MAN2A1: variants seen among roughly 807,000 people sequenced by gnomAD.
MAN2A1 encodes alpha-mannosidase 2.
A neutral mutation model predicts 142.6 loss-of-function variants in MAN2A1; 76 were observed. That is an observed-to-expected ratio of 0.53 (90% CI 0.44 to 0.65). MAN2A1 has a LOEUF of 0.65. MAN2A1 is among the 30% of genes least tolerant of loss of function. MAN2A1 has a pLI of 0.00. For synonymous variants in MAN2A1, 559 were observed against 473.2 expected (o/e 1.18, Z -2.35); for missense variants, 1,311 against 1,365.1 (o/e 0.96, Z 0.62).
At chr5:109,829,530 G>C (rs926854630) in intron 16 of MAN2A1, among the ~76,000 whole-genome samples, 1 of 152,290 alleles carries the variant, frequency 6.6e-6, no homozygotes, top group African/African-American at 2.4e-5. Flanking sequence ...TTTACTCTTG[G>C]CCAGTCTTCT....
At chr5:109,822,955 G>T (rs901135206) in intron 15 of MAN2A1, among the ~76,000 whole-genome samples, 1 of 152,202 alleles carries the variant, frequency 6.6e-6, no homozygotes, top group Non-Finnish European at 1.5e-5. Context: ...AGGGTTACAA[G>T]GCGTGAGCCA....
chr5:109,730,335 A>G (rs1254034415), intron 4 of MAN2A1, among the ~76,000 whole-genome samples: 1 of 152,062 alleles, frequency 6.6e-6, no homozygotes, highest in Non-Finnish European at 1.5e-5. Flanking sequence ...ATTTATACAT[A>G]TACTCCTTAA....
chr5:109,787,960 TTGATCA>T (rs904789338), intron 10 of MAN2A1, among the ~76,000 whole-genome samples: 1 of 151,994 alleles, frequency 6.6e-6, no homozygotes, highest in Non-Finnish European at 1.5e-5. Context: ...ATTAATAACA[TTGATCA>T]TGATCACTTA....
intron 20 of MAN2A1, among the ~76,000 whole-genome samples, 182 bp downstream of exon 20, chr5:109,855,516 A>T (rs1010083969): frequency 6.6e-6 from 1 of 152,218 alleles, no homozygotes; most frequent in Admixed American, 6.5e-5. Flanking sequence ...ATTTTAGAGT[A>T]TATCCTGATA....
At chr5:109,838,044 A>G (rs548091887) in intron 16 of MAN2A1, among the ~76,000 whole-genome samples, 102 of 151,668 alleles carry the variant, frequency 6.7e-4, no homozygotes, top group Admixed American at 2.5e-3. Context: ...AGAAGCTAAC[A>G]TTCTGTAGGG....
intron 17 of MAN2A1, among the ~76,000 whole-genome samples, chr5:109,844,506 G>T (rs919610668): frequency 6.6e-6 from 1 of 151,492 alleles, no homozygotes; most frequent in Non-Finnish European, 1.5e-5. Flanking sequence ...ACATTTTACA[G>T]TTGTAGCTTT....
intron 4 of MAN2A1, among the ~76,000 whole-genome samples, chr5:109,738,706 A>T (rs960136710): frequency 6.6e-6 from 1 of 152,332 alleles, no homozygotes; most frequent in East Asian, 1.9e-4. Flanking sequence ...CAACATGCTT[A>T]GCACAATGCC....
intron 8 of MAN2A1, among the ~76,000 whole-genome samples, chr5:109,780,656 C>T (rs1341528587): frequency 6.6e-6 from 1 of 151,964 alleles, no homozygotes; most frequent in Non-Finnish European, 1.5e-5. Flanking sequence ...TATCTGTTTA[C>T]AAGATTTGGT....
intron 20 of MAN2A1, among the ~76,000 whole-genome samples, chr5:109,856,509 C>T (rs769409447): frequency 2.0e-5 from 3 of 152,138 alleles, no homozygotes; most frequent in Non-Finnish European, 2.9e-5. Context: ...AATTAGCAAG[C>T]CTTGTAAAGG....
intron 19 of MAN2A1, among the ~76,000 whole-genome samples, chr5:109,849,668 C>T (rs1755431497): frequency 6.6e-6 from 1 of 152,110 alleles, no homozygotes; most frequent in Admixed American, 6.5e-5. Flanking sequence ...TCTCTTTCTG[C>T]CGTATGTCTG....
chr5:109,834,103 C>T (rs574921741), intron 16 of MAN2A1, among the ~76,000 whole-genome samples: 1 of 152,122 alleles, frequency 6.6e-6, no homozygotes, highest in South Asian at 2.1e-4. Context: ...GAATCTTTTC[C>T]TGCCTAAAGG....
chr5:109,758,113 G>A (rs550094571), intron 5 of MAN2A1, among the ~76,000 whole-genome samples: 201 of 152,232 alleles, frequency 1.3e-3, no homozygotes, highest in African/African-American at 3.5e-3. Context: ...TTTTCCAAAA[G>A]AGCGGTATCG....
intron 12 of MAN2A1, among the ~76,000 whole-genome samples, chr5:109,813,762 A>G (rs777486881): frequency 1.3e-5 from 2 of 152,238 alleles, no homozygotes; most frequent in Non-Finnish European, 2.9e-5. Flanking sequence ...AATTACTTCT[A>G]TGAAAGGTGA....
chr5:109,824,354 A>T (rs994592415), intron 16 of MAN2A1, among the ~76,000 whole-genome samples: 1 of 152,194 alleles, frequency 6.6e-6, no homozygotes, highest in Non-Finnish European at 1.5e-5. Context: ...CAGCATCTTT[A>T]TGAACCCAAG....
chr5:109,801,162 G>T (rs1754019161), intron 12 of MAN2A1, among the ~76,000 whole-genome samples: 1 of 152,120 alleles, frequency 6.6e-6, no homozygotes, highest in South Asian at 2.1e-4. Flanking sequence ...GGTAGTTAGG[G>T]CTCATGATGG....
chr5:109,732,400 C>G (rs1471502382), intron 4 of MAN2A1, among the ~76,000 whole-genome samples: 1 of 152,158 alleles, frequency 6.6e-6, no homozygotes. Context: ...ACTTTTGTTT[C>G]CATTGCTTTT....
At chr5:109,756,276 A>G (rs1405438513) in intron 5 of MAN2A1, among the ~76,000 whole-genome samples, 7 of 152,314 alleles carry the variant, frequency 4.6e-5, no homozygotes, top group Admixed American at 4.6e-4. Context: ...ATAGAATCAG[A>G]TGTCCACTAT....
intron 1 of MAN2A1, among the ~76,000 whole-genome samples, chr5:109,712,178 G>A (rs545972662): frequency 6.6e-6 from 1 of 151,588 alleles, no homozygotes; most frequent in Non-Finnish European, 1.5e-5. Context: ...CAAATGATTG[G>A]CCTTTTCTTG....
At chr5:109,743,622 A>T (rs1458769386) in intron 4 of MAN2A1, among the ~76,000 whole-genome samples, 1 of 152,116 alleles carries the variant, frequency 6.6e-6, no homozygotes, top group African/African-American at 2.4e-5. Flanking sequence ...GTTAGTCCCT[A>T]AACTCTGTGA....
Sources: allele counts gnomAD v4.1 joint callset (sites outside exome capture counted in the v4.1 genomes callset), GRCh38; gene constraint gnomAD v4.1.1; transcripts MANE v1.5; gene names NCBI Gene and HGNC (gene_info 2026-07-23, HGNC 2026-07-21).